Variants in C8orf34 observed in about 807,000 individuals in gnomAD.
The protein encoded by C8orf34 is chromosome 8 open reading frame 34.
A neutral mutation model predicts 68.3 loss-of-function variants in C8orf34; 65 were observed. The ratio of observed to expected loss-of-function variants is 0.95; its 90% CI spans 0.78 to 1.17. The LOEUF (loss-of-function observed/expected upper bound fraction) is 1.17, where lower values mean the gene tolerates loss of function less well. Ranked by LOEUF, C8orf34 falls within the 50% of genes most tolerant of loss-of-function variation. C8orf34 has a pLI of 0.00. For missense variants in C8orf34, 664 were observed against 655.4 expected (o/e 1.01, Z -0.14); for synonymous variants, 244 against 241.2 (o/e 1.01, Z -0.11).
intron 1 of C8orf34, among the ~76,000 whole-genome samples, chr8:68,343,276 C>G (rs906612976): frequency 1.3e-5 from 2 of 152,262 alleles, no homozygotes; most frequent in African/African-American, 4.8e-5. Context: ...CACTACACAC[C>G]TATCCGAATG....
intron 7 of C8orf34, among the ~76,000 whole-genome samples, chr8:68,616,473 G>A (rs1818218135): frequency 6.6e-6 from 1 of 152,174 alleles, no homozygotes; most frequent in African/African-American, 2.4e-5. Flanking sequence ...GTGTCCCAGA[G>A]ATTCTGGCAT....
intron 1 of C8orf34, among the ~76,000 whole-genome samples, chr8:68,417,882 G>C (rs996644355): frequency 4.0e-5 from 6 of 151,772 alleles, no homozygotes; most frequent in Admixed American, 3.3e-4. Flanking sequence ...AATTACCTTG[G>C]GCAGTATGGC....
chr8:68,577,283 T>A (rs1343077342), intron 7 of C8orf34, among the ~76,000 whole-genome samples: 2 of 151,998 alleles, frequency 1.3e-5, no homozygotes, highest in East Asian at 3.9e-4. Context: ...ATATATTCAA[T>A]GAGTTCTATA....
chr8:68,397,231 T>C (rs1808755200), intron 1 of C8orf34, among the ~76,000 whole-genome samples: 1 of 152,060 alleles, frequency 6.6e-6, no homozygotes, highest in South Asian at 2.1e-4. Flanking sequence ...CTCAAACTCC[T>C]GACCTCAGGT....
Position 68,521,804 on chromosome 8 carries a change from A to T in C8orf34, c.771A>T (p.Thr257=). Reference sequence around the variant, plus strand: ...TATTCTTTTCTTCTCTTCAGGAAACAGTGACATTTAATTCTTCTCTTCTGA... The same window carrying T: ...TATTCTTTTCTTCTCTTCAGGAAACTGTGACATTTAATTCTTCTCTTCTGA... The part of the protein sequence containing the change: ...IAISDELDKE[T]VTFNSSLLRP... Residue 257 remains threonine, a synonymous_variant, in exon 6 of 14, where the codon ACA becomes ACT. Coordinates refer to ENST00000518698, the MANE Select transcript of C8orf34 (RefSeq NM_052958.4). 1 of 1,611,214 alleles carries T rather than the reference A, an allele frequency of 6.2e-7. No homozygotes were observed. Among genetic ancestry groups the T allele is most frequent in the Non-Finnish European group, 8.5e-7 (1 of 1,178,528 alleles).
At chr8:68,362,586 C>G (rs1045281478) in intron 1 of C8orf34, among the ~76,000 whole-genome samples, 1 of 152,148 alleles carries the variant, frequency 6.6e-6, no homozygotes, top group Non-Finnish European at 1.5e-5. Flanking sequence ...CAAGTGGGTC[C>G]CTGACCCCCG....
chr8:68,610,655 A>G (rs992282280), intron 7 of C8orf34, among the ~76,000 whole-genome samples: 3 of 152,238 alleles, frequency 2.0e-5, no homozygotes, highest in Admixed American at 6.5e-5. Flanking sequence ...AGGAGGTGGA[A>G]GATATTATTA....
chr8:68,815,657 G>GA (rs1824788672), intron 12 of C8orf34, among the ~76,000 whole-genome samples: 1 of 152,062 alleles, frequency 6.6e-6, no homozygotes, highest in South Asian at 2.1e-4. Flanking sequence ...CATTTTATTG[G>GA]AAAAATTACC....
At chr8:68,588,327 A>G (rs1042682093) in intron 7 of C8orf34, among the ~76,000 whole-genome samples, 3 of 150,968 alleles carry the variant, frequency 2.0e-5, no homozygotes, top group Non-Finnish European at 2.9e-5. Context: ...AGCAAATAGT[A>G]TAAAGCAGAT....
chr8:68,650,317 G>T (rs1285609969), intron 8 of C8orf34, among the ~76,000 whole-genome samples: 3 of 151,930 alleles, frequency 2.0e-5, no homozygotes, highest in African/African-American at 7.2e-5. Flanking sequence ...TCCAGAGAGG[G>T]GTCCTGGAGA....
intron 5 of C8orf34, among the ~76,000 whole-genome samples, chr8:68,503,089 G>A (rs1813848550): frequency 6.6e-6 from 1 of 152,162 alleles, no homozygotes; most frequent in Non-Finnish European, 1.5e-5. Flanking sequence ...AGGAATAGAA[G>A]CTATAGATTA....
chr8:68,657,937 T>A (rs927780476), intron 8 of C8orf34, among the ~76,000 whole-genome samples: 1 of 152,200 alleles, frequency 6.6e-6, no homozygotes, highest in Non-Finnish European at 1.5e-5. Flanking sequence ...AAATTTCTAC[T>A]CTGATGGTTT....
chr8:68,716,304 A>C (rs1449451018), intron 9 of C8orf34, among the ~76,000 whole-genome samples: 2 of 152,064 alleles, frequency 1.3e-5, no homozygotes, highest in Non-Finnish European at 2.9e-5. Context: ...TTCCCCAAAA[A>C]CCTATTGAAA....
chr8:68,420,308 TA>T (rs1348292620), intron 1 of C8orf34, among the ~76,000 whole-genome samples: 7 of 152,066 alleles, frequency 4.6e-5, no homozygotes, highest in Non-Finnish European at 1.0e-4. Context: ...ATAATAAAGA[TA>T]CAGTACATTA....
chr8:68,638,868 A>AAAT (rs1440681690), intron 7 of C8orf34, among the ~76,000 whole-genome samples: 3 of 152,116 alleles, frequency 2.0e-5, no homozygotes, highest in Non-Finnish European at 4.4e-5. Context: ...TCCAGCAACA[A>AAAT]ATAATATTGG....
In C8orf34 at chr8:68,400,448, A is replaced by G. The variant is rs118111660; in HGVS notation, c.328-39051A>G. Among the ~76,000 whole-genome samples the G allele has an allele frequency of 1.8e-4, 27 of 152,232 alleles. No individual in the cohort carries two copies. The East Asian group carries it at 5.2e-3, about 29-fold the overall frequency. ...CCCAGCACTATTTACTGAAAAGGAT[A>G]TCCTTTCCCTAGTGTATGTTCTTCT... On this transcript the variant is annotated intron_variant, in intron 1 of 13. Coordinates refer to ENST00000518698, the MANE Select transcript of C8orf34 (RefSeq NM_052958.4).
chr8:68,607,075 A>G lies in C8orf34; in HGVS notation c.1106-33301A>G, dbSNP rs181292462. Among the ~76,000 whole-genome samples, 189 of 152,240 alleles carry G rather than the reference A, an allele frequency of 1.2e-3. 1 individual carries two copies. The highest frequency in any genetic ancestry group is 4.4e-3 in the Admixed American group (67 of 15,264). On this transcript the variant is annotated intron_variant, in intron 7 of 13. Coordinates refer to ENST00000518698, the MANE Select transcript of C8orf34 (RefSeq NM_052958.4). The stretch of plus-strand genomic sequence containing the variant: ...ATGAAAACTCCCATCTGTGTTTCTT[A>G]TCGTCAATCAGAGTCTATCGCCAAC...
At chr8:68,394,157 A>G (rs1393983256) in intron 1 of C8orf34, among the ~76,000 whole-genome samples, 6 of 151,722 alleles carry the variant, frequency 4.0e-5, no homozygotes, top group Non-Finnish European at 7.4e-5. Flanking sequence ...TTACATATGT[A>G]TACATGTGCC....
At chr8:68,615,669 A>G (rs575393874) in intron 7 of C8orf34, among the ~76,000 whole-genome samples, 1 of 152,232 alleles carries the variant, frequency 6.6e-6, no homozygotes, top group East Asian at 1.9e-4. Flanking sequence ...AAGCTTTTTG[A>G]TGTGCTGCTG....
Sources: allele counts gnomAD v4.1 joint callset (sites outside exome capture counted in the v4.1 genomes callset), GRCh38; gene constraint gnomAD v4.1.1; transcripts MANE v1.5; gene names NCBI Gene and HGNC (gene_info 2026-07-23, HGNC 2026-07-21).